Variants in ARNT2 observed in about 807,000 individuals in gnomAD.
ARNT2 encodes the protein ARNT protein 2.
Under a neutral mutation model 91.7 loss-of-function variants are expected in ARNT2, and 36 were observed. The observed-to-expected ratio is 0.39, with a 90% confidence interval of 0.30 to 0.52. The LOEUF (loss-of-function observed/expected upper bound fraction) is 0.52. Among genes scored for constraint, ARNT2 ranks in the 20% least tolerant of loss-of-function variants. The probability of loss-of-function intolerance (pLI) is 0.72; values close to 1 mark genes in which losing one functional copy is unlikely to be tolerated. For missense variants in ARNT2, 775 were observed against 939.3 expected, an observed-to-expected ratio of 0.83 and a Z score of 2.29; for synonymous variants, 365 against 347.1, an observed-to-expected ratio of 1.05 and a Z score of -0.57.
At chr15:80,589,106 A>G (rs943594534) in intron 17 of ARNT2, among the ~76,000 whole-genome samples, 7 of 152,216 alleles carry the variant, frequency 4.6e-5, no homozygotes, top group Non-Finnish European at 8.8e-5. Context: ...ATATGTTAAG[A>G]GATAAGGTCA....
intron 3 of ARNT2, among the ~76,000 whole-genome samples, chr15:80,468,459 G>A (rs964774219): frequency 7.9e-5 from 12 of 152,102 alleles, no homozygotes; most frequent in Non-Finnish European, 1.5e-4. Flanking sequence ...CTACCCTTCC[G>A]TCTAGGCCTG....
In ARNT2 at chr15:80,509,260, G is replaced by A. The variant is rs529258033; in HGVS notation, c.725+1002G>A. ...GGTTTGAGACCAGCCTGGCCAAAATGGTGAAACCCTGTCTTTATTAAAAAT... is the reference window on the plus strand; with the variant it reads ...GGTTTGAGACCAGCCTGGCCAAAATAGTGAAACCCTGTCTTTATTAAAAAT... On this transcript the variant is annotated intron_variant, in intron 6 of 18. Coordinates refer to ENST00000303329, the MANE Select transcript of ARNT2 (RefSeq NM_014862.4). 3.6e-4 allele frequency among the ~76,000 whole-genome samples: 55 copies of A among 152,036 alleles called. 1 individual carries two copies. Among genetic ancestry groups the A allele is most frequent in the African/African-American group, 1.3e-3 (53 of 41,470 alleles).
chr15:80,514,454 C>A, intron 8 of ARNT2, 49 bp downstream of exon 8: 1 of 1,515,700 alleles, frequency 6.6e-7, no homozygotes, highest in Non-Finnish European at 9.2e-7. Flanking sequence ...GCTGCTCATA[C>A]CTGACCATGG....
At chr15:80,536,126 T>C (rs1897819377) in intron 8 of ARNT2, among the ~76,000 whole-genome samples, 1 of 152,176 alleles carries the variant, frequency 6.6e-6, no homozygotes, top group African/African-American at 2.4e-5. Context: ...CGTTGCCTCA[T>C]GCTGAGGAAT....
At chr15:80,405,471 G>A (rs1241743623) in intron 1 of ARNT2, among the ~76,000 whole-genome samples, 1 of 152,164 alleles carries the variant, frequency 6.6e-6, no homozygotes, top group Non-Finnish European at 1.5e-5. Flanking sequence ...GCAGAGGGAG[G>A]TCATGTGTTG....
intron 1 of ARNT2, among the ~76,000 whole-genome samples, chr15:80,430,425 G>T (rs900743620): frequency 6.6e-6 from 1 of 152,216 alleles, no homozygotes; most frequent in East Asian, 1.9e-4. Flanking sequence ...GATGATCAAA[G>T]CCATAACAAA....
At chr15:80,559,033 C>T (rs1012904110) in intron 11 of ARNT2, among the ~76,000 whole-genome samples, 2 of 152,158 alleles carry the variant, frequency 1.3e-5, no homozygotes, top group African/African-American at 4.8e-5. Flanking sequence ...TCACAGTAGA[C>T]ACTGGGAGGT....
chr15:80,560,436 T>A (rs941173856), intron 11 of ARNT2, among the ~76,000 whole-genome samples: 1 of 152,198 alleles, frequency 6.6e-6, no homozygotes, highest in Non-Finnish European at 1.5e-5. Context: ...AGCCTATAAC[T>A]TGGACCCAGG....
At chr15:80,554,740 T>C (rs1015905407) in intron 10 of ARNT2, 13 of 209,808 alleles carry the variant, frequency 6.2e-5, no homozygotes, top group Middle Eastern at 3.5e-3. Flanking sequence ...TGCTTTCTTT[T>C]TATGTTATTA....
chr15:80,491,104 A>C (rs370320361), intron 5 of ARNT2, among the ~76,000 whole-genome samples: 12 of 152,324 alleles, frequency 7.9e-5, no homozygotes, highest in African/African-American at 2.6e-4. Context: ...AGCCATGGGA[A>C]TAGCATAGCA....
chr15:80,429,024 G>T (rs554342101), intron 1 of ARNT2, among the ~76,000 whole-genome samples: 1 of 152,104 alleles, frequency 6.6e-6, no homozygotes, highest in African/African-American at 2.4e-5. Context: ...AAAATAGCTC[G>T]ACTGGTGCAG....
intron 1 of ARNT2, among the ~76,000 whole-genome samples, chr15:80,409,943 G>C (rs1339755398): frequency 6.6e-6 from 1 of 152,180 alleles, no homozygotes; most frequent in Non-Finnish European, 1.5e-5. Flanking sequence ...AGAAGCTGGA[G>C]CTGCGGTAGA....
At chr15:80,519,844 C>G (rs1329973509) in intron 8 of ARNT2, among the ~76,000 whole-genome samples, 2 of 148,630 alleles carry the variant, frequency 1.3e-5, no homozygotes, top group African/African-American at 5.0e-5. Context: ...GCCACCATGC[C>G]CGGCTAATTT....
chr15:80,422,909 C>T (rs1248361186), intron 1 of ARNT2, among the ~76,000 whole-genome samples: 2 of 152,048 alleles, frequency 1.3e-5, no homozygotes, highest in African/African-American at 4.8e-5. Context: ...TCACTTTTTG[C>T]GTAAGTGTGT....
chr15:80,498,218 C>T (rs529542321), intron 5 of ARNT2, among the ~76,000 whole-genome samples: 2 of 152,336 alleles, frequency 1.3e-5, no homozygotes, highest in South Asian at 2.1e-4. Context: ...ACCGATGGCA[C>T]ACGATTTTTT....
intron 1 of ARNT2, chr15:80,433,655 A>G (rs757515172): frequency 3.3e-5 from 5 of 152,298 alleles, no homozygotes; most frequent in Middle Eastern, 3.4e-3. Flanking sequence ...CCATTTTGTT[A>G]CTGGAGGGGC....
intron 11 of ARNT2, 88 bp from the exon 12 acceptor site, chr15:80,563,000 C>T (rs1479079231): frequency 8.1e-6 from 12 of 1,489,594 alleles, no homozygotes; most frequent in African/African-American, 1.4e-5. Context: ...CTGGCCCCTG[C>T]CGCAACCCCA....
chr15:80,507,220 A>C (rs1235897929), intron 5 of ARNT2, among the ~76,000 whole-genome samples: 3 of 152,200 alleles, frequency 2.0e-5, no homozygotes. Flanking sequence ...AGAAATAGCC[A>C]CGTGGGAGGA....
At chr15:80,551,493 G>C (rs1244930759) in intron 9 of ARNT2, among the ~76,000 whole-genome samples, 1 of 152,178 alleles carries the variant, frequency 6.6e-6, no homozygotes, top group Non-Finnish European at 1.5e-5. Context: ...GGTTGCATCA[G>C]TTCATCCCCC....
Sources: gnomAD v4.1 joint callset for allele counts (sites outside exome capture counted in the v4.1 genomes callset) on GRCh38, gnomAD v4.1.1 for gene constraint, MANE v1.5 for transcripts, NCBI Gene and HGNC (gene_info 2026-07-23, HGNC 2026-07-21) for gene names.